WARS1: variants seen among roughly 807,000 people sequenced by gnomAD.
The protein encoded by WARS1 is tryptophanyl-tRNA synthetase 1.
WARS1 carries 17 observed loss-of-function variants against 47.8 expected under a neutral mutation model. The observed-to-expected ratio is 0.36, with a 90% confidence interval of 0.24 to 0.53. The LOEUF (loss-of-function observed/expected upper bound fraction) is 0.53, where lower values mean the gene tolerates loss of function less well. Among genes scored for constraint, WARS1 ranks in the 20% least tolerant of loss-of-function variants. The pLI, the probability that WARS1 is intolerant of heterozygous loss-of-function variation, is 0.91. For missense variants in WARS1, 434 were observed against 608.0 expected (o/e 0.71, Z 3.01); for synonymous variants, 208 against 228.1 (o/e 0.91, Z 0.79).
chr14:100,336,661 C>G (rs1221353397), intron 10 of WARS1, among the ~76,000 whole-genome samples: 2 of 152,206 alleles, frequency 1.3e-5, no homozygotes, highest in African/African-American at 4.8e-5. Context: ...CTTCCTGAGG[C>G]TGTGCTGATA....
intron 4 of WARS1, among the ~76,000 whole-genome samples, chr14:100,360,143 T>C (rs1439280125): frequency 6.6e-6 from 1 of 152,230 alleles, no homozygotes; most frequent in African/African-American, 2.4e-5. Context: ...CTGTTGGTAT[T>C]GTTTATGAGC....
At chr14:100,356,398 T>TGGG (rs57891102) in intron 4 of WARS1, among the ~76,000 whole-genome samples, 14 of 106,348 alleles carry the variant, frequency 1.3e-4, no homozygotes, top group South Asian at 9.6e-4. Context: ...TGTGTGTGTG[T>TGGG]GGGGGGGGGT....
chr14:100,344,451 C>T (rs1358463262), intron 7 of WARS1, among the ~76,000 whole-genome samples: 5 of 152,142 alleles, frequency 3.3e-5, no homozygotes, highest in Admixed American at 6.5e-5. Context: ...ACCTCCCAGC[C>T]GCCTGCCTTG....
intron 9 of WARS1, among the ~76,000 whole-genome samples, chr14:100,338,622 C>T (rs532582218): frequency 1.3e-3 from 200 of 150,420 alleles, no homozygotes; most frequent in Non-Finnish European, 2.4e-3. Context: ...TTAGTAGAGA[C>T]AGGGTTTCAC....
intron 4 of WARS1, 23 bp downstream of exon 4, chr14:100,360,531 G>A (rs774037715): frequency 1.9e-6 from 3 of 1,564,712 alleles, no homozygotes; most frequent in Admixed American, 1.8e-5. Flanking sequence ...AGGTGAGAAG[G>A]CCTGTGGTGA....
At chr14:100,352,974 G>A (rs1384055640) in intron 6 of WARS1, 1 of 152,220 alleles carries the variant, frequency 6.6e-6, no homozygotes. Flanking sequence ...TTCTCTGTGA[G>A]GAAAAGGTGC....
At chr14:100,351,400 G>A (rs1041464076) in intron 6 of WARS1, among the ~76,000 whole-genome samples, 5 of 151,238 alleles carry the variant, frequency 3.3e-5, no homozygotes, top group African/African-American at 1.2e-4. Flanking sequence ...ACCTGTAATC[G>A]CAGCACTTTG....
At chr14:100,335,144 C>T (rs555042392) in intron 10 of WARS1, 108 bp from the exon 11 acceptor site, 14 of 1,040,052 alleles carry the variant, frequency 1.3e-5, no homozygotes, top group East Asian at 5.0e-5. Context: ...GAGCCTGGCA[C>T]GTGGGTGGCA....
chr14:100,343,426 T>A (rs1221351500), intron 7 of WARS1, 39 bp from the exon 8 acceptor site: 2 of 1,332,628 alleles, frequency 1.5e-6, no homozygotes, highest in Non-Finnish European at 2.1e-6. Context: ...GTGAGATGAG[T>A]TCCTGTTCTG....
chr14:100,336,572 T>G (rs1451313262), intron 10 of WARS1, among the ~76,000 whole-genome samples: 1 of 152,214 alleles, frequency 6.6e-6, no homozygotes, highest in Non-Finnish European at 1.5e-5. Context: ...GATTATTTCC[T>G]TGGAAAAAAT....
Position 100,342,388 on chromosome 14 carries a change from C to G in WARS1, c.1113+10G>C. ...CCCGCTGGCTGCCCTCTGCCTGGGC[C>G]ACTGCTCACCTTGGTTTTGATCTGC... On this transcript the variant is annotated intron_variant, in intron 9 of 10. Coordinates refer to ENST00000392882, the MANE Select transcript of WARS1 (RefSeq NM_004184.4). 1 of 1,613,456 alleles carries G rather than the reference C, an allele frequency of 6.2e-7. No homozygotes were observed.
At chr14:100,376,294 A>C (rs1043760015), upstream of WARS1, 27 of 986,548 alleles carry the variant, frequency 2.7e-5, no homozygotes, top group African/African-American at 4.3e-4. Context: ...CTCCCGGCTC[A>C]GCAACCGGCT....
rs1448412607 is a variant in WARS1, at chr14:100,334,648, T to C, written c.*227A>G. The C allele has an allele frequency of 8.8e-6, 4 of 452,440 alleles. No individual in the cohort carries two copies. The highest frequency in any genetic ancestry group is 8.8e-5 in the East Asian group (2 of 22,742). The allele number at this position is 452,440 out of a possible 1,614,324, so 28.0% of individuals were successfully genotyped here. A position where few individuals can be genotyped will look rare whatever the true frequency, so the allele number is the denominator to read the frequency against. ...ACAGCTGGACTTCTCTATCCGACCA[T>C]GCAATGTTAGCCAGCACCAATTACC... On this transcript the variant is annotated 3_prime_UTR_variant, in exon 11 of 11. Coordinates refer to ENST00000392882, the MANE Select transcript of WARS1 (RefSeq NM_004184.4).
In WARS1 at chr14:100,334,948, C is replaced by T. The variant is rs751453486; in HGVS notation, c.1343G>A (p.Arg448Gln). The T allele has an allele frequency of 2.0e-5, 32 of 1,614,084 alleles. No homozygotes were observed. Among genetic ancestry groups the T allele is most frequent in the Middle Eastern group, 1.6e-4 (1 of 6,084 alleles). Residue 448 changes from arginine to glutamine, a missense_variant, in exon 11 of 11, where the codon CGG (arginine) becomes CAG (glutamine). By Grantham distance (43) the Arg-to-Gln change is conservative (BLOSUM62 1). Coordinates refer to ENST00000392882, the MANE Select transcript of WARS1 (RefSeq NM_004184.4). ...TATCTCATCCGTGACCTCCTTGCGC[C>T]GGGCCTGGTGCTCTGCGATCAAGGG... ...LQPLIAEHQA[R>Q]RKEVTDEIVK...
chr14:100,341,658 A>T lies in WARS1; in HGVS notation c.1113+740T>A, dbSNP rs1025965401. Among the ~76,000 whole-genome samples the T allele has an allele frequency of 3.9e-5, 6 of 152,364 alleles. No homozygotes were observed. The East Asian group carries it at 1.2e-3, about 29-fold the overall frequency. ...CAACAGAACTGGGGCCATGCAAAAT[A>T]AGGAAGCTCAAACTAACTTCTCCTT... On this transcript the variant is annotated intron_variant, in intron 9 of 10. Coordinates refer to ENST00000392882, the MANE Select transcript of WARS1 (RefSeq NM_004184.4).
intron 8 of WARS1, 84 bp from the exon 9 acceptor site, chr14:100,342,655 C>A (rs1894248616): frequency 7.6e-7 from 1 of 1,310,570 alleles, no homozygotes. Context: ...GAGCATCTTC[C>A]CAGAAGGCTC....
At chr14:100,364,450 C>T (rs146521849) in intron 2 of WARS1, among the ~76,000 whole-genome samples, 2 of 152,196 alleles carry the variant, frequency 1.3e-5, no homozygotes, top group African/African-American at 4.8e-5. Context: ...GCTCAAGGTG[C>T]CCTCTCTTAG....
In WARS1 at chr14:100,373,824, TTGTGTGTGTGTGTGTGTGTGTG is replaced by T. The variant is rs59475595; in HGVS notation, c.-74+1437_-74+1458del. On this transcript the variant is annotated intron_variant, in intron 1 of 10. Coordinates refer to ENST00000392882, the MANE Select transcript of WARS1 (RefSeq NM_004184.4). The surrounding 1 kb of genome is among the most constrained non-coding windows in gnomAD (Gnocchi z 4.4). ...GGGAATCATCCACACTATTGAAATC[TTGTGTGTGTGTGTGTGTGTGTG>T]TGTGTGTGTGTGTGTGTGTATGATG... Among the ~76,000 whole-genome samples, 1 of 148,042 alleles carries T rather than the reference TTGTGTGTGTGTGTGTGTGTGTG, an allele frequency of 6.8e-6. No individual in the cohort carries two copies. Among genetic ancestry groups the T allele is most frequent in the Non-Finnish European group, 1.5e-5 (1 of 66,868 alleles).
At chr14:100,350,419 A>G (rs1463152421) in intron 6 of WARS1, among the ~76,000 whole-genome samples, 10 of 150,644 alleles carry the variant, frequency 6.6e-5, no homozygotes, top group Admixed American at 2.6e-4. Flanking sequence ...AAAAAAAAGG[A>G]AGTTCTTATT....
Sources: gnomAD v4.1 joint callset for allele counts (sites outside exome capture counted in the v4.1 genomes callset) on GRCh38, gnomAD v4.1.1 for gene constraint, Gnocchi (gnomAD v3.1) non-coding constraint, MANE v1.5 for transcripts, NCBI Gene and HGNC (gene_info 2026-07-23, HGNC 2026-07-21) for gene names.